Variants in COL21A1 observed in about 807,000 individuals in gnomAD.
COL21A1 encodes the protein collagen type XXI alpha 1 chain, also known as collagen alpha-1(XXI) chain.
In COL21A1, 149 loss-of-function variants were observed where a neutral mutation model predicts 137.9. The ratio of observed to expected loss-of-function variants is 1.08; its 90% confidence interval spans 0.95 to 1.24. The LOEUF (loss-of-function observed/expected upper bound fraction) is 1.24. Ranked by LOEUF, COL21A1 falls within the 50% of genes most tolerant of loss-of-function variation. COL21A1 has a pLI of 0.00. For synonymous variants in COL21A1, 456 were observed against 391.5 expected (o/e 1.16, Z -1.95); for missense variants, 1,167 against 1,158.4 (o/e 1.01, Z -0.11).
At chr6:56,274,551 C>T (rs1763597436) in intron 1 of COL21A1, among the ~76,000 whole-genome samples, 1 of 152,112 alleles carries the variant, frequency 6.6e-6, no homozygotes. Flanking sequence ...ATTTCAGTAG[C>T]ATTTCTATAC....
At chr6:56,254,800 G>T (rs975100216) in intron 1 of COL21A1, among the ~76,000 whole-genome samples, 1 of 151,958 alleles carries the variant, frequency 6.6e-6, no homozygotes, top group African/African-American at 2.4e-5. Context: ...AAGGTCTCTG[G>T]GTAATTTTTC....
chr6:56,082,392 T>G (rs1767867229), intron 17 of COL21A1, among the ~76,000 whole-genome samples: 1 of 152,014 alleles, frequency 6.6e-6, no homozygotes, highest in South Asian at 2.1e-4. Flanking sequence ...AATTCCATTT[T>G]GAAAGAGAAA....
At chr6:56,380,752 TAGGGCTGCAG>T (rs2094007445) in intron 1 of COL21A1, among the ~76,000 whole-genome samples, 1 of 152,176 alleles carries the variant, frequency 6.6e-6, no homozygotes, top group Non-Finnish European at 1.5e-5. Context: ...CCCCTAAATG[TAGGGCTGCAG>T]AGCTGTCTAG....
At chr6:56,182,334 A>G (rs1046316612) in intron 2 of COL21A1, among the ~76,000 whole-genome samples, 197 bp downstream of exon 2, 4 of 152,346 alleles carry the variant, frequency 2.6e-5, no homozygotes, top group Admixed American at 2.6e-4. Flanking sequence ...CTATTGCCAT[A>G]GAGTCATCTC....
intron 1 of COL21A1, among the ~76,000 whole-genome samples, chr6:56,234,196 T>C (rs1186711794): frequency 1.3e-5 from 2 of 151,632 alleles, no homozygotes; most frequent in Non-Finnish European, 3.0e-5. Flanking sequence ...CCAGAAAAAT[T>C]TGAAATTGTG....
chr6:56,286,645 G>A (rs1464435915), intron 1 of COL21A1, among the ~76,000 whole-genome samples: 2 of 152,054 alleles, frequency 1.3e-5, no homozygotes, highest in African/African-American at 4.8e-5. Context: ...TTGTGAATTG[G>A]TATGCCTAAA....
intron 1 of COL21A1, among the ~76,000 whole-genome samples, chr6:56,325,947 T>A (rs546547411): frequency 1.5e-4 from 4 of 27,566 alleles, no homozygotes; most frequent in Non-Finnish European, 2.3e-4. Flanking sequence ...ATATTATATA[T>A]TATATAATAT....
At position 56,234,081 on chromosome 6, in the gene COL21A1, A is replaced by C. The variant is rs917078100; in HGVS notation, c.-39+13306T>G. ...AGAAAAAATCATTATAATAAAAGAC[A>C]AGAAAGCATGGTAAAAACAGAAAAC... is the stretch of plus-strand genomic sequence containing the variant. On this transcript the variant is annotated intron_variant, in intron 1 of 29. Coordinates refer to ENST00000244728, the MANE Select transcript of COL21A1 (RefSeq NM_030820.4). Among the ~76,000 whole-genome samples the C allele has an allele frequency of 8.6e-5, 13 of 151,988 alleles. 1 individual carries two copies. The highest frequency in any genetic ancestry group is 6.6e-4 in the Admixed American group (10 of 15,238).
intron 1 of COL21A1, among the ~76,000 whole-genome samples, chr6:56,371,384 G>C (rs1175733502): frequency 6.6e-6 from 1 of 152,184 alleles, no homozygotes; most frequent in African/African-American, 2.4e-5. Context: ...AGCCCAATCT[G>C]CTGCATTCTG....
At chr6:56,078,800 TG>T (rs1214174925) in intron 17 of COL21A1, among the ~76,000 whole-genome samples, 1 of 151,594 alleles carries the variant, frequency 6.6e-6, no homozygotes, top group East Asian at 1.9e-4. Context: ...AGAACAAAAG[TG>T]GTATGTGAGC....
At chr6:56,385,421 G>A (rs2094016257) in intron 1 of COL21A1, among the ~76,000 whole-genome samples, 1 of 152,128 alleles carries the variant, frequency 6.6e-6, no homozygotes, top group Non-Finnish European at 1.5e-5. Context: ...CCAGCTTCTA[G>A]AGCATGGCCA....
At chr6:56,123,943 A>G (rs1772779418) in intron 16 of COL21A1, 119 bp downstream of exon 16, 1 of 832,140 alleles carries the variant, frequency 1.2e-6, no homozygotes, top group Non-Finnish European at 1.8e-6. Flanking sequence ...CTTTTAGCTC[A>G]TGAATTTTAT....
chr6:56,388,428 G>A lies in COL21A1; in HGVS notation c.-39+5543C>T, dbSNP rs2094022755. ...AGAGACTCCTGCTGATTGGAGGAATGAGAGAGAAAAAAGCAAGAGACTTTT... is the reference window on the plus strand; with the variant it reads ...AGAGACTCCTGCTGATTGGAGGAATAAGAGAGAAAAAAGCAAGAGACTTTT... On this transcript the variant is annotated intron_variant, in intron 1 of 28. Transcript: ENST00000370819. Among the ~76,000 whole-genome samples, 2 of 152,182 alleles carry A rather than the reference G, an allele frequency of 1.3e-5. 1 individual carries two copies. Among genetic ancestry groups the A allele is most frequent in the South Asian group, 4.1e-4 (2 of 4,824 alleles).
At chr6:56,257,269 T>A (rs1442881160) in intron 1 of COL21A1, among the ~76,000 whole-genome samples, 1 of 152,178 alleles carries the variant, frequency 6.6e-6, no homozygotes, top group Non-Finnish European at 1.5e-5. Context: ...TGGAGCTTAT[T>A]TTGCCAAAGG....
chr6:56,255,417 C>T (rs1782945766), intron 1 of COL21A1, among the ~76,000 whole-genome samples: 1 of 150,966 alleles, frequency 6.6e-6, no homozygotes, highest in Non-Finnish European at 1.5e-5. Context: ...TTGCATAGAG[C>T]GCTGTGAAGG....
At chr6:56,287,580 G>C in intron 1 of COL21A1, among the ~76,000 whole-genome samples, 1 of 151,776 alleles carries the variant, frequency 6.6e-6, no homozygotes, top group East Asian at 1.9e-4. Context: ...CTTCCTCTTC[G>C]CCTTTACCAT....
chr6:56,376,583 T>C (rs1346935980), intron 1 of COL21A1, among the ~76,000 whole-genome samples: 1 of 151,988 alleles, frequency 6.6e-6, no homozygotes, highest in East Asian at 1.9e-4. Flanking sequence ...AGAAACTTCA[T>C]CCTTCATCTA....
intron 1 of COL21A1, among the ~76,000 whole-genome samples, chr6:56,260,420 A>G (rs1178920228): frequency 4.6e-5 from 7 of 151,768 alleles, no homozygotes; most frequent in Non-Finnish European, 8.8e-5. Flanking sequence ...TAAAAAATAC[A>G]AAAATTAGCC....
intron 17 of COL21A1, among the ~76,000 whole-genome samples, chr6:56,085,516 T>A (rs1768158049): frequency 6.6e-6 from 1 of 152,136 alleles, no homozygotes; most frequent in Non-Finnish European, 1.5e-5. Flanking sequence ...TTAAAGCATG[T>A]ATGGTCTGAA....
Sources: gnomAD v4.1 joint callset for allele counts (sites outside exome capture counted in the v4.1 genomes callset) on GRCh38, gnomAD v4.1.1 for gene constraint, MANE v1.5 for transcripts, NCBI Gene and HGNC (gene_info 2026-07-23, HGNC 2026-07-21) for gene names.